The following B3GALNT2 variants were observed in gnomAD, a reference collection of about 807,000 sequenced individuals.
B3GALNT2 encodes the protein UDP-GalNAc:beta-1,3-N-acetylgalactosaminyltransferase 2.
In B3GALNT2, 53 loss-of-function variants were observed where a neutral mutation model predicts 61.1. That is an observed-to-expected ratio of 0.87 (90% CI 0.70 to 1.09). B3GALNT2 has a LOEUF of 1.09. B3GALNT2 is among the 50% of genes least tolerant of loss of function. The probability of loss-of-function intolerance (pLI) is 0.00; values close to 1 mark genes in which losing one functional copy is unlikely to be tolerated. For synonymous variants in B3GALNT2, 223 were observed against 237.4 expected (o/e 0.94, Z 0.56); for missense variants, 544 against 623.0 (o/e 0.87, Z 1.35).
At chr1:235,483,644 C>A (rs184567846) in intron 4 of B3GALNT2, among the ~76,000 whole-genome samples, 4 of 152,142 alleles carry the variant, frequency 2.6e-5, no homozygotes, top group Non-Finnish European at 4.4e-5. Flanking sequence ...TGGTGGCATG[C>A]ACCTAGAATC....
intron 11 of B3GALNT2, chr1:235,451,997 A>T (rs1217294359): frequency 1.4e-5 from 2 of 145,630 alleles, no homozygotes; most frequent in African/African-American, 5.2e-5. Context: ...TGCCACACTC[A>T]ATCAGTGGAT....
Position 235,504,300 on chromosome 1 carries a change from G to C in B3GALNT2, c.-48C>G, listed in dbSNP as rs1685738476. ...GGCTCTCCCGCGTCCCGGCGGAGAG[G>C]GAGGGGACCTGCAAGTGCGGAGACT... is the stretch of plus-strand genomic sequence containing the variant. On this transcript the variant is annotated 5_prime_UTR_variant, in exon 1 of 12. Coordinates refer to ENST00000366600, the MANE Select transcript of B3GALNT2 (RefSeq NM_152490.5). 1 of 1,472,802 alleles carries C rather than the reference G, an allele frequency of 6.8e-7. No homozygotes were observed. The highest frequency in any genetic ancestry group is 9.0e-7 in the Non-Finnish European group (1 of 1,116,902). The allele number at this position is 1,472,802 out of a possible 1,614,324, so 91.2% of individuals were successfully genotyped here. A position where few individuals can be genotyped will look rare whatever the true frequency, so the allele number is the denominator to read the frequency against.
intron 4 of B3GALNT2, among the ~76,000 whole-genome samples, chr1:235,481,121 C>A (rs1225641257): frequency 6.6e-6 from 1 of 151,980 alleles, no homozygotes; most frequent in African/African-American, 2.4e-5. Flanking sequence ...TGGATTATGT[C>A]TATTTCTTTC....
At position 235,455,742 on chromosome 1, in the gene B3GALNT2, A is replaced by C. The variant is rs1683139820; in HGVS notation, c.1026-58T>G. ...CGACCAAACAAACAAACACCAATGC[A>C]GTGGCGTCACTAACACTTTCATTCA... On this transcript the variant is annotated intron_variant, in intron 8 of 11. Transcript: ENST00000366600. 4.4e-5 allele frequency: 67 copies of C among 1,523,958 alleles called. 3 individuals carry two copies. In the South Asian group the frequency reaches 7.2e-4, roughly 16 times the overall value. The allele number at this position is 1,523,958 out of a possible 1,614,324, so 94.4% of individuals were successfully genotyped here.
In B3GALNT2 at chr1:235,455,697, A is replaced by G. The variant is rs781120647; in HGVS notation, c.1026-13T>C. ...TGTTTCCACAGTCCTGTTGACACAA[A>G]AGGGATAAGAAAGTCAGTGCGACCA... On this transcript the variant is annotated splice_polypyrimidine_tract_variant and intron_variant, in intron 8 of 11. Transcript: ENST00000366600. 5.0e-5 allele frequency: 80 copies of G among 1,604,298 alleles called. No homozygotes were observed. Among genetic ancestry groups the G allele is most frequent in the Non-Finnish European group, 6.6e-5 (77 of 1,171,884 alleles).
intron 4 of B3GALNT2, 122 bp downstream of exon 4, chr1:235,484,200 T>C: frequency 7.3e-7 from 1 of 1,377,010 alleles, no homozygotes; most frequent in Non-Finnish European, 9.4e-7. Flanking sequence ...GGAAGAAAGG[T>C]GAAAGTCTCT....
chr1:235,492,154 T>C (rs1187985982), intron 2 of B3GALNT2, among the ~76,000 whole-genome samples: 1 of 152,224 alleles, frequency 6.6e-6, no homozygotes, highest in Non-Finnish European at 1.5e-5. Flanking sequence ...ATGGAAAATA[T>C]GCCATAACCA....
At chr1:235,458,331 C>T (rs896123710) in intron 8 of B3GALNT2, among the ~76,000 whole-genome samples, 4 of 152,012 alleles carry the variant, frequency 2.6e-5, no homozygotes, top group African/African-American at 9.7e-5. Flanking sequence ...TGCTCAGTGT[C>T]CTTAGGTTTG....
chr1:235,478,096 C>A (rs929571378), intron 5 of B3GALNT2, among the ~76,000 whole-genome samples: 5 of 152,028 alleles, frequency 3.3e-5, no homozygotes, highest in Non-Finnish European at 7.4e-5. Flanking sequence ...TCTCTGTGGC[C>A]CAGGCTGGAG....
downstream of B3GALNT2, chr1:235,442,852 C>T (rs1202987709): frequency 5.0e-6 from 8 of 1,613,688 alleles, no homozygotes; most frequent in Non-Finnish European, 6.8e-6. Flanking sequence ...TCTCTTAAAG[C>T]ACTGAAGATA....
chr1:235,498,567 G>A (rs774606117), intron 1 of B3GALNT2, among the ~76,000 whole-genome samples: 6 of 152,128 alleles, frequency 3.9e-5, no homozygotes, highest in Admixed American at 1.3e-4. Context: ...CGCCGGGCAC[G>A]GTGGCTCATG....
chr1:235,474,988 T>TATATATATATATATATATATATA (rs1491560842), intron 5 of B3GALNT2, among the ~76,000 whole-genome samples: 2 of 19,154 alleles, frequency 1.0e-4, no homozygotes, highest in Non-Finnish European at 1.6e-4. Flanking sequence ...TATATATATA[T>TATATATATATATATATATATATA]TTTTTTTTTT....
Position 235,450,150 on chromosome 1 carries a change from C to T in B3GALNT2, c.*56G>A. The T allele has an allele frequency of 1.2e-6, 2 of 1,600,858 alleles. No homozygotes were observed. Among genetic ancestry groups the T allele is most frequent in the Non-Finnish European group, 1.7e-6 (2 of 1,169,052 alleles). ...TAAACCCTGGGACTCCTCAGACTTG[C>T]ACTCAGATTATCGTTTGCCTGCCCT... On this transcript the variant is annotated 3_prime_UTR_variant, in exon 12 of 12. Transcript: ENST00000366600.
At chr1:235,484,298 A>C (rs750380989) in intron 4 of B3GALNT2, 24 bp downstream of exon 4, 25 of 1,538,222 alleles carry the variant, frequency 1.6e-5, no homozygotes, top group Non-Finnish European at 2.2e-5. Flanking sequence ...AAAAGAGAAA[A>C]AACCTGTACA....
At chr1:235,441,768 T>G in the B3GALNT2 span, 29 of 1,549,344 alleles carry the variant, frequency 1.9e-5, no homozygotes, top group African/African-American at 3.3e-4. Flanking sequence ...TTTTTACTTA[T>G]AGTGGCCTTT....
At chr1:235,482,383 TA>T (rs1026217570) in intron 4 of B3GALNT2, among the ~76,000 whole-genome samples, 57 of 151,954 alleles carry the variant, frequency 3.8e-4, no homozygotes, top group African/African-American at 1.3e-3. Flanking sequence ...TAAAAGGCAT[TA>T]GGGGGAACCT....
chr1:235,499,700 T>C (rs929784987), intron 1 of B3GALNT2, among the ~76,000 whole-genome samples: 3 of 152,214 alleles, frequency 2.0e-5, no homozygotes, highest in African/African-American at 7.2e-5. Context: ...TTTAACAAAG[T>C]ATAGATAGCT....
intron 9 of B3GALNT2, 140 bp downstream of exon 9, chr1:235,455,419 T>C (rs1572484833): frequency 1.1e-6 from 1 of 940,842 alleles, no homozygotes; most frequent in East Asian, 2.7e-5. Context: ...CCTAGAGTAA[T>C]GAAATATATA....
chr1:235,459,207 A>C (rs1295719370), intron 7 of B3GALNT2, among the ~76,000 whole-genome samples: 1 of 152,208 alleles, frequency 6.6e-6, no homozygotes, highest in Non-Finnish European at 1.5e-5. Flanking sequence ...AGTTAAAAAA[A>C]TTACCCTGAT....
Sources: allele counts gnomAD v4.1 joint callset (sites outside exome capture counted in the v4.1 genomes callset), GRCh38; gene constraint gnomAD v4.1.1; transcripts MANE v1.5; gene names NCBI Gene and HGNC (gene_info 2026-07-23, HGNC 2026-07-21).